INTS10: variants seen among roughly 807,000 people sequenced by gnomAD.
INTS10 encodes the protein integrator complex subunit 10.
In INTS10, 44 loss-of-function variants were observed where a neutral mutation model predicts 94.4. The ratio of observed to expected loss-of-function variants is 0.47; its 90% CI spans 0.37 to 0.60. The LOEUF (loss-of-function observed/expected upper bound fraction) is 0.60, where lower values mean the gene tolerates loss of function less well. Ranked by LOEUF, INTS10 falls within the 20% of genes least tolerant of loss-of-function variation. The pLI, the probability that INTS10 is intolerant of heterozygous loss-of-function variation, is 0.00. For synonymous variants in INTS10, 341 were observed against 320.7 expected (o/e 1.06, Z -0.68); for missense variants, 797 against 868.7 (o/e 0.92, Z 1.04).
chr8:19,842,188 G>A (rs2068186322), intron 13 of INTS10, among the ~76,000 whole-genome samples: 1 of 152,152 alleles, frequency 6.6e-6, no homozygotes, highest in Non-Finnish European at 1.5e-5. Flanking sequence ...TCTGTAAAAG[G>A]AATGCAGACA....
At chr8:19,845,382 G>A (rs566994130) in intron 15 of INTS10, 17 of 223,464 alleles carry the variant, frequency 7.6e-5, no homozygotes, top group African/African-American at 2.4e-4. Flanking sequence ...AATTATTATC[G>A]ATATGGAAAA....
intron 15 of INTS10, chr8:19,845,448 C>T (rs1009500340): frequency 5.8e-5 from 27 of 464,280 alleles, no homozygotes; most frequent in Non-Finnish European, 7.9e-5. Context: ...GTTATCTGTG[C>T]GAGGGAGTTT....
chr8:19,829,589 C>G (rs898571216), intron 9 of INTS10, among the ~76,000 whole-genome samples: 1 of 152,116 alleles, frequency 6.6e-6, no homozygotes, highest in Non-Finnish European at 1.5e-5. Flanking sequence ...AGAGGGGTGA[C>G]CAGTGCAGGG....
chr8:19,844,905 G>T (rs1054861359), intron 15 of INTS10, among the ~76,000 whole-genome samples: 1 of 150,608 alleles, frequency 6.6e-6, no homozygotes, highest in Non-Finnish European at 1.5e-5. Flanking sequence ...TTTTTATTTT[G>T]TTTTTTTTTA....
Position 19,837,180 on chromosome 8 carries a change from G to A in INTS10, c.1639+20G>A. ...GAAAAGGTACAGTGACATGTTTTATGACTATTTTGTAAAAATAGCTTTAGA... is the reference window on the plus strand; with the variant it reads ...GAAAAGGTACAGTGACATGTTTTATAACTATTTTGTAAAAATAGCTTTAGA... On this transcript the variant is annotated intron_variant, in intron 13 of 16. Transcript: ENST00000397977. The A allele has an allele frequency of 6.8e-7, 1 of 1,470,866 alleles. No individual in the cohort carries two copies. The highest frequency in any genetic ancestry group is 9.5e-7 in the Non-Finnish European group (1 of 1,049,664). The allele number at this position is 1,470,866 out of a possible 1,614,324, so 91.1% of individuals were successfully genotyped here. A position where few individuals can be genotyped will look rare whatever the true frequency, so the allele number is the denominator to read the frequency against.
chr8:19,829,741 T>A (rs1205523773), intron 9 of INTS10, among the ~76,000 whole-genome samples: 1 of 152,202 alleles, frequency 6.6e-6, no homozygotes, highest in Non-Finnish European at 1.5e-5. Flanking sequence ...CGGTCTCTGC[T>A]CACTGCAACC....
chr8:19,823,600 T>A, intron 6 of INTS10, 159 bp downstream of exon 6: 1 of 649,716 alleles, frequency 1.5e-6, no homozygotes, highest in Non-Finnish European at 2.6e-6. Flanking sequence ...AAGATGAGGC[T>A]TTTCTGGAAG....
chr8:19,825,490 A>G (rs943969760), intron 8 of INTS10, among the ~76,000 whole-genome samples: 2 of 150,188 alleles, frequency 1.3e-5, no homozygotes, highest in Admixed American at 6.7e-5. Context: ...CGCACCTTGC[A>G]CTCCAGCCTG....
intron 10 of INTS10, among the ~76,000 whole-genome samples, chr8:19,831,521 TA>T (rs1045931999): frequency 1.3e-5 from 2 of 151,904 alleles, no homozygotes; most frequent in Admixed American, 6.6e-5. Flanking sequence ...CCCGTCTCTA[TA>T]AAAAAACAAA....
chr8:19,840,527 C>T (rs142880687), intron 13 of INTS10, among the ~76,000 whole-genome samples: 369 of 152,282 alleles, frequency 2.4e-3, no homozygotes, highest in African/African-American at 8.6e-3. Flanking sequence ...ACTTATACTA[C>T]ATAATAACAA....
At chr8:19,823,190 C>T (rs903355814) in intron 5 of INTS10, 111 bp from the exon 6 acceptor site, 16 of 781,758 alleles carry the variant, frequency 2.0e-5, no homozygotes, top group Non-Finnish European at 3.2e-5. Flanking sequence ...GGATTTTTCC[C>T]CCTATATATT....
chr8:19,833,571 GATTTTTCTTTTTATTATT>G (rs1450697530), intron 12 of INTS10, among the ~76,000 whole-genome samples: 11 of 152,066 alleles, frequency 7.2e-5, no homozygotes, highest in African/African-American at 1.7e-4. Context: ...TTTGTTGGAG[GATTTTTCTTTTTATTATT>G]ATTTTTCTTT....
chr8:19,834,241 G>T (rs2067474058), intron 12 of INTS10, among the ~76,000 whole-genome samples: 1 of 152,160 alleles, frequency 6.6e-6, no homozygotes, highest in Non-Finnish European at 1.5e-5. Context: ...AACACAAACT[G>T]ATTTCTTCTC....
In INTS10 at chr8:19,823,559, C is replaced by G. The variant is rs2066555564; in HGVS notation, c.664+118C>G. 16 of 752,566 alleles carry G rather than the reference C, an allele frequency of 2.1e-5. No homozygotes were observed. The South Asian group carries it at 2.7e-4, about 13-fold the overall frequency. The allele number at this position is 752,566 out of a possible 1,614,324, so 46.6% of individuals were successfully genotyped here. A position where few individuals can be genotyped will look rare whatever the true frequency, so the allele number is the denominator to read the frequency against. On this transcript the variant is annotated intron_variant, in intron 6 of 16. Transcript: ENST00000397977. Reference sequence around the variant, plus strand: ...GATACTTACCAGTTTGGGAGTGTTTCAAAAGATGGTATCTAGAAAAAAAAT... The same window carrying G: ...GATACTTACCAGTTTGGGAGTGTTTGAAAAGATGGTATCTAGAAAAAAAAT...
rs73667441 is a variant in INTS10 at position 19,827,016 on chromosome 8, A to G, written c.1140+457A>G. Among the ~76,000 whole-genome samples, 1,276 of 152,320 alleles carry G rather than the reference A, an allele frequency of 8.4e-3. 18 individuals are homozygous for G. Among genetic ancestry groups the G allele is most frequent in the African/African-American group, 0.029 (1,191 of 41,568 alleles). ...GTGGGCAGGGCAGCAGGAACAGCCT[A>G]TGGGCAGATGCAGAAAAGATTTCAT... is the stretch of plus-strand genomic sequence containing the variant. On this transcript the variant is annotated intron_variant, in intron 9 of 16. Coordinates refer to ENST00000397977, the MANE Select transcript of INTS10 (RefSeq NM_018142.4).
Position 19,830,515 on chromosome 8 carries a change from G to A in INTS10, c.1250G>A (p.Arg417Lys), listed in dbSNP as rs935830827. The part of the protein sequence containing the change: ...TEVLESFKLA[R>K]ESWELLYSLE... ...GTGTTAGAAAGCTTTAAATTGGCCAGGGAGAGCTGGGAGTTGCTCTATTCC... is the reference window on the plus strand; with the variant it reads ...GTGTTAGAAAGCTTTAAATTGGCCAAGGAGAGCTGGGAGTTGCTCTATTCC... Residue 417 changes from arginine (R) to lysine (K), a missense_variant, in exon 10 of 17, where the codon AGG becomes AAG. Around this residue, in one of 3 missense-constraint regions of INTS10, gnomAD observed 734 missense variants for 787.8 expected, o/e 0.93. Transcript: ENST00000397977. 1 of 1,613,996 alleles carries A rather than the reference G, an allele frequency of 6.2e-7. No homozygotes were observed. Among genetic ancestry groups the A allele is most frequent in the Non-Finnish European group, 8.5e-7 (1 of 1,179,998 alleles).
intron 5 of INTS10, 104 bp from the exon 6 acceptor site, chr8:19,823,197 T>C (rs1563343092): frequency 2.4e-6 from 2 of 830,864 alleles, no homozygotes; most frequent in Non-Finnish European, 3.9e-6. Flanking sequence ...TCCCCCTATA[T>C]ATTTTAGATA....
intron 9 of INTS10, among the ~76,000 whole-genome samples, chr8:19,828,070 G>A (rs2066940625): frequency 6.6e-6 from 1 of 151,788 alleles, no homozygotes; most frequent in Non-Finnish European, 1.5e-5. Flanking sequence ...AAAACTAGCT[G>A]GCTGGTGGCA....
intron 9 of INTS10, among the ~76,000 whole-genome samples, chr8:19,827,246 C>T (rs1444301306): frequency 2.0e-5 from 3 of 152,176 alleles, no homozygotes; most frequent in Non-Finnish European, 4.4e-5. Flanking sequence ...AAGCTGTGCT[C>T]TGTGGTTACA....
Sources: allele counts gnomAD v4.1 joint callset (sites outside exome capture counted in the v4.1 genomes callset), GRCh38; gene constraint gnomAD v4.1.1; regional missense constraint gnomAD v4.1.1; transcripts MANE v1.5; gene names NCBI Gene and HGNC (gene_info 2026-07-23, HGNC 2026-07-21).